The following COL4A6 variants were observed in gnomAD, a reference collection of about 807,000 sequenced individuals.
The protein encoded by COL4A6 is collagen alpha-6(IV) chain.
COL4A6 carries 59 observed loss-of-function variants against 126.7 expected under a neutral mutation model. The observed-to-expected ratio is 0.47, with a 90% confidence interval of 0.38 to 0.58. The LOEUF is 0.58. Ranked by LOEUF, COL4A6 falls within the 20% of genes least tolerant of loss-of-function variation. The pLI is 0.00. For synonymous variants in COL4A6, 547 were observed against 496.6 expected (o/e 1.10, Z -1.35); for missense variants, 1,285 against 1,337.3 (o/e 0.96, Z 0.61).
intron 3 of COL4A6, among the ~76,000 whole-genome samples, chrX:108,240,693 T>C (rs1004953615): frequency 1.8e-5 from 2 of 112,073 alleles, no homozygotes; most frequent in African/African-American, 3.2e-5. Context: ...TTGAACTGAA[T>C]GAAGGGGGCT....
chrX:108,256,705 C>T (rs1011116335), intron 3 of COL4A6, among the ~76,000 whole-genome samples: 3 of 111,090 alleles, frequency 2.7e-5, no homozygotes, highest in Middle Eastern at 4.6e-3. Flanking sequence ...GTACTCACCC[C>T]GAGACCTACT....
At chrX:108,208,999 A>T (rs772842548) in intron 8 of COL4A6, among the ~76,000 whole-genome samples, 39 of 112,327 alleles carry the variant, frequency 3.5e-4, no homozygotes, top group Non-Finnish European at 6.4e-4. Context: ...AGTACCTAAG[A>T]GAAGCTATGC....
At chrX:108,428,945 G>A (rs920786580) in intron 2 of COL4A6, among the ~76,000 whole-genome samples, 16 of 111,932 alleles carry the variant, frequency 1.4e-4, no homozygotes, top group African/African-American at 5.2e-4. Context: ...TCATACTCCT[G>A]GATACCTACC....
At chrX:108,389,555 G>T (rs1183125671) in intron 2 of COL4A6, among the ~76,000 whole-genome samples, 2 of 105,084 alleles carry the variant, frequency 1.9e-5, no homozygotes, top group Non-Finnish European at 4.0e-5. Flanking sequence ...TTTTGTTTTT[G>T]TTTTTTTTTG....
chrX:108,385,259 T>C (rs1440229192), intron 2 of COL4A6, among the ~76,000 whole-genome samples: 3 of 106,252 alleles, frequency 2.8e-5, no homozygotes, highest in African/African-American at 1.0e-4. Flanking sequence ...TACAGTACTA[T>C]CAAAAAGAAT....
chrX:108,181,411 A>G (rs140230206), intron 23 of COL4A6, among the ~76,000 whole-genome samples: 132 of 112,223 alleles, frequency 1.2e-3, no homozygotes, highest in African/African-American at 3.9e-3. Context: ...TTTGAAGCCA[A>G]GATCCCTCAA....
At chrX:108,209,459 A>C (rs1425059223) in intron 8 of COL4A6, among the ~76,000 whole-genome samples, 1 of 111,826 alleles carries the variant, frequency 8.9e-6, no homozygotes, top group African/African-American at 3.3e-5. Flanking sequence ...GAGGAAAGAA[A>C]GGTTTTTTTC....
chrX:108,390,724 A>T (rs774980657), intron 2 of COL4A6, among the ~76,000 whole-genome samples: 10 of 110,296 alleles, frequency 9.1e-5, no homozygotes, highest in African/African-American at 3.0e-4. Flanking sequence ...TCTGAAGCCT[A>T]CTTCTGTCAG....
At chrX:108,160,393 A>C in intron 43 of COL4A6, 70 bp downstream of exon 43, 1 of 1,037,136 alleles carries the variant, frequency 9.6e-7, no homozygotes, top group South Asian at 2.2e-5. Flanking sequence ...GGGCTGGGAG[A>C]AGAGAGGGGT....
At chrX:108,283,121 C>A (rs1279811046) in intron 3 of COL4A6, among the ~76,000 whole-genome samples, 1 of 107,460 alleles carries the variant, frequency 9.3e-6, no homozygotes, top group Non-Finnish European at 1.9e-5. Flanking sequence ...ACATTGTGCA[C>A]TTGTACCCTA....
intron 3 of COL4A6, among the ~76,000 whole-genome samples, chrX:108,255,460 G>C (rs1159577705): frequency 9.0e-6 from 1 of 111,037 alleles, no homozygotes; most frequent in Non-Finnish European, 1.9e-5. Flanking sequence ...TTCAATAAAG[G>C]GACTCAGTGG....
chrX:108,175,319 G>A, intron 29 of COL4A6, 104 bp from the exon 30 acceptor site: 2 of 967,008 alleles, frequency 2.1e-6, no homozygotes, highest in East Asian at 6.9e-5. Context: ...GCCCTCTTTT[G>A]GGGCCTTTCC....
intron 1 of COL4A6, 32 bp downstream of exon 1, chrX:108,438,154 G>C (rs779420765): frequency 8.3e-6 from 10 of 1,207,986 alleles, no homozygotes; most frequent in Non-Finnish European, 1.1e-5. Context: ...AAGTAAGAAA[G>C]AGGAGGGGAG....
chrX:108,176,170 C>T (rs1373853243), intron 28 of COL4A6, among the ~76,000 whole-genome samples: 1 of 109,692 alleles, frequency 9.1e-6, no homozygotes, highest in Non-Finnish European at 1.9e-5. Flanking sequence ...ACTAAAAATA[C>T]AAAAATTAGC....
chrX:108,408,086 G>T (rs1382617308), intron 2 of COL4A6, among the ~76,000 whole-genome samples: 2 of 111,227 alleles, frequency 1.8e-5, no homozygotes, highest in African/African-American at 6.6e-5. Context: ...TGAAGTGGGA[G>T]GATTGCTTGA....
intron 29 of COL4A6, 62 bp from the exon 30 acceptor site, chrX:108,175,277 C>T: frequency 1.8e-6 from 2 of 1,092,462 alleles, no homozygotes; most frequent in Admixed American, 3.2e-5. Context: ...CAAAGGCTGA[C>T]CTTTCACATC....
At chrX:108,192,619 A>G (rs1186934856) in intron 17 of COL4A6, 39 bp from the exon 18 acceptor site, 2 of 979,501 alleles carry the variant, frequency 2.0e-6, no homozygotes, top group East Asian at 3.2e-5. Flanking sequence ...ATAAAGACAG[A>G]GGAGGCCCAC....
chrX:108,175,271 G>T, intron 29 of COL4A6, 56 bp from the exon 30 acceptor site: 2 of 1,109,386 alleles, frequency 1.8e-6, no homozygotes, highest in Non-Finnish European at 1.2e-6. Context: ...GTCAGGCAAA[G>T]GCTGACCTTT....
chrX:108,188,213 C>A (rs754677629), intron 21 of COL4A6, among the ~76,000 whole-genome samples, 186 bp from the exon 22 acceptor site: 2 of 112,051 alleles, frequency 1.8e-5, no homozygotes, highest in South Asian at 7.5e-4. Flanking sequence ...ATTTTGAAAT[C>A]TTTGAAGATG....
Sources: gnomAD v4.1 joint callset for allele counts (sites outside exome capture counted in the v4.1 genomes callset) on GRCh38, gnomAD v4.1.1 for gene constraint, MANE v1.5 for transcripts, NCBI Gene and HGNC (gene_info 2026-07-23, HGNC 2026-07-21) for gene names.